The following TULP4 variants were observed in gnomAD, a reference collection of about 807,000 sequenced individuals.
TULP4 encodes tubby-related protein 4.
A neutral mutation model predicts 129.0 loss-of-function variants in TULP4; 16 were observed. The ratio of observed to expected loss-of-function variants is 0.12; its 90% CI spans 0.08 to 0.19. The LOEUF is 0.19. Ranked by LOEUF, TULP4 falls within the 10% of genes least tolerant of loss-of-function variation. The pLI is 1.00. For missense variants in TULP4, 1,842 were observed against 2,059.1 expected, an observed-to-expected ratio of 0.89 and a Z score of 2.04; for synonymous variants, 998 against 854.0, an observed-to-expected ratio of 1.17 and a Z score of -2.94.
At position 158,313,952 on chromosome 6, in the gene TULP4, G is replaced by A; in HGVS notation, c.-65G>A. 1.3e-6 allele frequency: 2 copies of A among 1,565,012 alleles called. No individual in the cohort carries two copies. Among genetic ancestry groups the A allele is most frequent in the African/African-American group, 1.4e-5 (1 of 73,648 alleles). On this transcript the variant is annotated 5_prime_UTR_variant, in exon 1 of 14. Coordinates refer to ENST00000367097, the MANE Select transcript of TULP4 (RefSeq NM_020245.5). ...CACAAAAACACATATACCAATGAAAGAAATTGGTTTAAATTTCACAGCATT... is the reference window on the plus strand; with the variant it reads ...CACAAAAACACATATACCAATGAAAAAAATTGGTTTAAATTTCACAGCATT...
Position 158,461,645 on chromosome 6 carries a change from C to T in TULP4, c.942C>T (p.Pro314=), listed in dbSNP as rs1384453174. 1.4e-5 allele frequency: 23 copies of T among 1,613,922 alleles called. No individual in the cohort carries two copies. In the Admixed American group the frequency reaches 3.8e-4, roughly 27 times the overall value. ...MERQTQLGEL[P]NGPLLKSAMV... ...GGCAGACCCAGCTTGGTGAGCTTCC[C>T]AATGGTCCCCTTCTGAAGAGTGCCA... Residue 314 remains proline, a synonymous_variant, in exon 6 of 14, where the codon CCC becomes CCT. Transcript: ENST00000367097.
intron 1 of TULP4, among the ~76,000 whole-genome samples, chr6:158,305,324 C>CGT (rs34836137): frequency 0.32 from 45,392 of 141,476 alleles, 7,349 homozygotes; most frequent in Non-Finnish European, 0.38. Flanking sequence ...ATTCTGTGTG[C>CGT]GTGTGTGTGT....
At chr6:158,428,647 G>A (rs1778557741) in intron 2 of TULP4, among the ~76,000 whole-genome samples, 1 of 152,016 alleles carries the variant, frequency 6.6e-6, no homozygotes, top group Admixed American at 6.6e-5. Context: ...CTGATTGAGG[G>A]GGTATTGTTA....
chr6:158,390,114 A>T (rs888614899), intron 1 of TULP4, among the ~76,000 whole-genome samples: 1 of 152,178 alleles, frequency 6.6e-6, no homozygotes. Context: ...ATTTATGTGC[A>T]CAGTGAGAAA....
At chr6:158,405,558 G>A (rs1336646038) in intron 1 of TULP4, among the ~76,000 whole-genome samples, 2 of 152,178 alleles carry the variant, frequency 1.3e-5, no homozygotes, top group African/African-American at 4.8e-5. Context: ...TGGAGAGCAG[G>A]TTCTTTTAAC....
At position 158,449,001 on chromosome 6, in the gene TULP4, G is replaced by A. The variant is rs982760000; in HGVS notation, c.549G>A (p.Leu183=). ...GIWTPDDQQV[L]FGTADGQVIV... is the part of the protein sequence containing the mutation. ...GTCCCCATCCTGGATTGCAGGTGCT[G>A]TTTGGCACGGCCGATGGGCAGGTGA... Residue 183 remains leucine (L), a synonymous_variant, in exon 4 of 14, where the codon CTG becomes CTA. Coordinates refer to ENST00000367097, the MANE Select transcript of TULP4 (RefSeq NM_020245.5). 1.1e-5 allele frequency: 18 copies of A among 1,609,318 alleles called. No homozygotes were observed. In the Admixed American group the frequency reaches 1.3e-4, roughly 12 times the overall value.
intron 8 of TULP4, among the ~76,000 whole-genome samples, chr6:158,482,473 G>A (rs928505957): frequency 6.6e-6 from 1 of 152,212 alleles, no homozygotes; most frequent in Non-Finnish European, 1.5e-5. Context: ...AACAAAGAAA[G>A]CAACTAGCAG....
At chr6:158,404,395 G>A (rs768576612) in intron 1 of TULP4, among the ~76,000 whole-genome samples, 1 of 152,158 alleles carries the variant, frequency 6.6e-6, no homozygotes, top group Non-Finnish European at 1.5e-5. Context: ...TCTCTTTGGT[G>A]TATGTTACAT....
At chr6:158,415,644 G>A (rs1375425674) in intron 2 of TULP4, among the ~76,000 whole-genome samples, 1 of 150,194 alleles carries the variant, frequency 6.7e-6, no homozygotes, top group East Asian at 1.9e-4. Context: ...ACAGGCATGA[G>A]CCACTGCGCC....
At chr6:158,426,183 CTTTAT>C (rs1369353350) in intron 2 of TULP4, among the ~76,000 whole-genome samples, 7 of 152,114 alleles carry the variant, frequency 4.6e-5, no homozygotes, top group Non-Finnish European at 8.8e-5. Flanking sequence ...TGTCTATTTA[CTTTAT>C]TGATAGTTTC....
At chr6:158,319,378 T>A (rs1779570949) in intron 1 of TULP4, among the ~76,000 whole-genome samples, 1 of 151,510 alleles carries the variant, frequency 6.6e-6, no homozygotes, top group Admixed American at 6.6e-5. Flanking sequence ...AATTTGGTTT[T>A]TCATTTCCGG....
At position 158,507,856 on chromosome 6, in the gene TULP4, A is replaced by G. The variant is rs1275505843; in HGVS notation, c.*1162A>G. The G allele has an allele frequency of 6.6e-6, 1 of 152,222 alleles. No individual in the cohort carries two copies. Among genetic ancestry groups the G allele is most frequent in the African/African-American group, 2.4e-5 (1 of 41,454 alleles). The allele number at this position is 152,222 out of a possible 1,614,324, so 9.4% of individuals were successfully genotyped here. ...TTAGAAATGTAACCAAAAAAATGTT[A>G]AGTGTTCACCAGGGTATTAAAATAC... is the stretch of plus-strand genomic sequence containing the variant. On this transcript the variant is annotated 3_prime_UTR_variant, in exon 14 of 14. Coordinates refer to ENST00000367097, the MANE Select transcript of TULP4 (RefSeq NM_020245.5).
Position 158,493,183 on chromosome 6 carries a change from T to C in TULP4, c.1632-390T>C, listed in dbSNP as rs573529769. Among the ~76,000 whole-genome samples the C allele has an allele frequency of 3.9e-4, 60 of 152,276 alleles. No homozygotes were observed. Among genetic ancestry groups the C allele is most frequent in the Middle Eastern group, 3.4e-3 (1 of 294 alleles). On this transcript the variant is annotated intron_variant, in intron 9 of 13. Coordinates refer to ENST00000367097, the MANE Select transcript of TULP4 (RefSeq NM_020245.5). The surrounding 1 kb of genome is among the most constrained non-coding windows in gnomAD (Gnocchi z 4.4). The stretch of plus-strand genomic sequence containing the variant: ...GATCGCTGGATCTCATTTCAGTGTA[T>C]ACTAAGTATATTTTGAGATGGGGTC...
intron 1 of TULP4, among the ~76,000 whole-genome samples, chr6:158,247,689 C>G (rs1278596159): frequency 1.3e-5 from 2 of 152,194 alleles, no homozygotes; most frequent in Admixed American, 1.3e-4. Context: ...ATGTTGTTCT[C>G]CCCTGCAACT....
chr6:158,392,790 A>G (rs74324699), intron 1 of TULP4, among the ~76,000 whole-genome samples: 1 of 38,628 alleles, frequency 2.6e-5, no homozygotes, highest in Admixed American at 2.5e-4. Flanking sequence ...TTAAATTTGT[A>G]TTTCTTTTTT....
intron 1 of TULP4, among the ~76,000 whole-genome samples, chr6:158,363,706 G>A (rs1036313505): frequency 1.3e-5 from 2 of 152,202 alleles, no homozygotes; most frequent in East Asian, 1.9e-4. Context: ...GGCTGGTCCT[G>A]AACTCCTGAC....
At chr6:158,466,879 A>G (rs917731313) in intron 6 of TULP4, among the ~76,000 whole-genome samples, 5 of 151,984 alleles carry the variant, frequency 3.3e-5, no homozygotes, top group African/African-American at 1.2e-4. Context: ...GTATTTTTCC[A>G]CCTCTGCCTG....
At chr6:158,412,995 C>G in intron 1 of TULP4, 70 bp from the exon 2 acceptor site, 1 of 1,548,932 alleles carries the variant, frequency 6.5e-7, no homozygotes. Context: ...CAAGTCTGAT[C>G]ACATCACAGA....
At chr6:158,300,919 T>C (rs954821296) in intron 1 of TULP4, among the ~76,000 whole-genome samples, 1 of 152,192 alleles carries the variant, frequency 6.6e-6, no homozygotes, top group Non-Finnish European at 1.5e-5. Flanking sequence ...AGCATTGACA[T>C]GAGTGAGATT....
Sources: gnomAD v4.1 joint callset for allele counts (sites outside exome capture counted in the v4.1 genomes callset) on GRCh38, gnomAD v4.1.1 for gene constraint, Gnocchi (gnomAD v3.1) non-coding constraint, MANE v1.5 for transcripts, NCBI Gene and HGNC (gene_info 2026-07-23, HGNC 2026-07-21) for gene names.